Variants in ARID1A observed in about 807,000 individuals in gnomAD.
ARID1A encodes AT-rich interaction domain 1A.
Under a neutral mutation model 212.6 loss-of-function variants are expected in ARID1A, and 20 were observed. The ratio of observed to expected loss-of-function variants is 0.09; its 90% CI spans 0.07 to 0.14. ARID1A has a LOEUF of 0.14. Among genes scored for constraint, ARID1A ranks in the 10% least tolerant of loss-of-function variants. The pLI is 1.00. For synonymous variants in ARID1A, 1,376 were observed against 1,222.1 expected, an observed-to-expected ratio of 1.13 and a Z score of -2.63; for missense variants, 2,587 against 3,059.0, an observed-to-expected ratio of 0.85 and a Z score of 3.64.
chr1:26,770,767 A>AAAAT, intron 11 of ARID1A: 1 of 223,666 alleles, frequency 4.5e-6, no homozygotes, highest in East Asian at 1.2e-4. Flanking sequence ...TTCTGTCTCA[A>AAAAT]AAATAAATAA....
Position 26,779,330 on chromosome 1 carries a change from A to G in ARID1A, c.5432A>G (p.Lys1811Arg), listed in dbSNP as rs753590871. Reference protein sequence around the residue: ...SEEKLISKFDKLPVKIVQKND... With the variant: ...SEEKLISKFDRLPVKIVQKND... ...GAGAAGCTGATCAGTAAGTTTGACA[A>G]GCTTCCAGTAAAGATCGTACAGAAG... Residue 1811 changes from lysine (K) to arginine (R), a missense_variant, in exon 20 of 20, where the codon AAG becomes AGG. This residue lies in a region of ARID1A where 890 missense variants were observed against 1,098.2 expected (regional missense o/e 0.81). Coordinates refer to ENST00000324856, the MANE Select transcript of ARID1A (RefSeq NM_006015.6). 56 of 1,614,118 alleles carry G rather than the reference A, an allele frequency of 3.5e-5. No individual in the cohort carries two copies. The highest frequency in any genetic ancestry group is 4.5e-5 in the Non-Finnish European group (53 of 1,180,060).
chr1:26,751,088 C>T (rs1023366602), intron 4 of ARID1A, among the ~76,000 whole-genome samples: 2 of 151,834 alleles, frequency 1.3e-5, no homozygotes, highest in African/African-American at 4.8e-5. Context: ...AACCCCGTCT[C>T]TACTAAAAAT....
chr1:26,762,841 T>A, intron 7 of ARID1A, 132 bp from the exon 8 acceptor site: 1 of 940,210 alleles, frequency 1.1e-6, no homozygotes. Flanking sequence ...CTCATGGCGA[T>A]AAAGGCTACC....
At chr1:26,763,384 A>T (rs1279162793) in intron 8 of ARID1A, 99 bp downstream of exon 8, 2 of 1,347,042 alleles carry the variant, frequency 1.5e-6, no homozygotes, top group Non-Finnish European at 2.0e-6. Flanking sequence ...AGGGGGGGAA[A>T]ATGGGTGTGT....
At chr1:26,698,479 C>T (rs1366894521) in intron 1 of ARID1A, among the ~76,000 whole-genome samples, 3 of 152,198 alleles carry the variant, frequency 2.0e-5, no homozygotes, top group African/African-American at 7.2e-5. Context: ...AGTAGCAATA[C>T]TGTATCAGCA....
Position 26,731,580 on chromosome 1 carries a change from C to G in ARID1A, c.1779C>G (p.Ser593=), listed in dbSNP as rs1406595822. ...QSQQSQQTAY[S]QQRFPPPQEL... ...AGCAGTCCCAGCAAACTGCCTATTCCCAGCAGCGCTTCCCTCCACCGCAGG... is the reference window on the plus strand; with the variant it reads ...AGCAGTCCCAGCAAACTGCCTATTCGCAGCAGCGCTTCCCTCCACCGCAGG... Residue 593 remains serine (S), a synonymous_variant, in exon 3 of 20, where the codon TCC becomes TCG. Coordinates refer to ENST00000324856, the MANE Select transcript of ARID1A (RefSeq NM_006015.6). 5 of 1,613,842 alleles carry G rather than the reference C, an allele frequency of 3.1e-6. No homozygotes were observed. Among genetic ancestry groups the G allele is most frequent in the Non-Finnish European group, 4.2e-6 (5 of 1,179,866 alleles).
At chr1:26,770,348 C>T (rs1189037585) in intron 11 of ARID1A, 3 of 152,008 alleles carry the variant, frequency 2.0e-5, no homozygotes, top group African/African-American at 4.8e-5. Flanking sequence ...AGCCACCACC[C>T]CAAGAAAAAA....
chr1:26,712,308 A>G (rs2080462192), intron 1 of ARID1A, among the ~76,000 whole-genome samples: 1 of 151,464 alleles, frequency 6.6e-6, no homozygotes, highest in Admixed American at 6.6e-5. Flanking sequence ...TCTCTCCCTC[A>G]CCCCCTACTT....
At chr1:26,724,572 C>A (rs1376698892) in intron 1 of ARID1A, among the ~76,000 whole-genome samples, 1 of 152,144 alleles carries the variant, frequency 6.6e-6, no homozygotes, top group Non-Finnish European at 1.5e-5. Context: ...GGAGAATTTG[C>A]AGCTATTTTA....
intron 1 of ARID1A, among the ~76,000 whole-genome samples, chr1:26,726,237 A>C (rs1171371575): frequency 7.0e-6 from 1 of 143,304 alleles, no homozygotes; most frequent in African/African-American, 2.6e-5. Flanking sequence ...CAGTGGCTCG[A>C]TCTCGGCTCG....
At chr1:26,707,316 C>T (rs546117484) in intron 1 of ARID1A, among the ~76,000 whole-genome samples, 2 of 142,616 alleles carry the variant, frequency 1.4e-5, no homozygotes, top group Admixed American at 7.6e-5. Flanking sequence ...TCAAGTGATT[C>T]TCCTGCCACA....
chr1:26,769,892 T>C (rs543730270), intron 11 of ARID1A: 15 of 152,388 alleles, frequency 9.8e-5, no homozygotes, highest in Admixed American at 5.2e-4. Flanking sequence ...GAACTGTAGG[T>C]TGGCTGCTCG....
At chr1:26,701,690 A>G (rs989964521) in intron 1 of ARID1A, among the ~76,000 whole-genome samples, 1 of 152,174 alleles carries the variant, frequency 6.6e-6, no homozygotes, top group African/African-American at 2.4e-5. Flanking sequence ...AGCTTTCTGT[A>G]CATAAATCAG....
At chr1:26,726,242 G>A (rs1233870006) in intron 1 of ARID1A, among the ~76,000 whole-genome samples, 1 of 145,362 alleles carries the variant, frequency 6.9e-6, no homozygotes, top group Non-Finnish European at 1.5e-5. Flanking sequence ...GCTCGATCTC[G>A]GCTCGCTTCA....
Position 26,731,070 on chromosome 1 carries a change from C to T in ARID1A, c.1351-82C>T, listed in dbSNP as rs41303627. ...CATGCTTGCTTTCTATACTCATCAT[C>T]AGTGCATAGCTTCTCACAAAACACT... is the stretch of plus-strand genomic sequence containing the variant. On this transcript the variant is annotated intron_variant, in intron 2 of 19. Transcript: ENST00000324856. 2.0e-3 allele frequency: 2,739 copies of T among 1,383,862 alleles called. 6 individuals carry two copies. Among genetic ancestry groups the T allele is most frequent in the Middle Eastern group, 5.9e-3 (32 of 5,448 alleles). 85.7% of individuals were successfully genotyped at this position (1,383,862 alleles called of 1,614,324 possible).
In ARID1A at chr1:26,743,245, C is replaced by T. The variant is rs146342710; in HGVS notation, c.1920+10453C>T. Among the ~76,000 whole-genome samples, 17 of 152,244 alleles carry T rather than the reference C, an allele frequency of 1.1e-4. No individual in the cohort carries two copies. In the East Asian group the frequency reaches 3.3e-3, roughly 29 times the overall value. ...CTGGTCCTCTTGATTAGGATGTATA[C>T]CTGTTTCTCTCTCTTTCTGTCATGC... On this transcript the variant is annotated intron_variant, in intron 4 of 19. Coordinates refer to ENST00000324856, the MANE Select transcript of ARID1A (RefSeq NM_006015.6).
chr1:26,776,359 C>G (rs574089771), intron 19 of ARID1A, among the ~76,000 whole-genome samples: 1 of 151,618 alleles, frequency 6.6e-6, no homozygotes, highest in Non-Finnish European at 1.5e-5. Flanking sequence ...CTGCAACTTC[C>G]GCCTCCTGGG....
intron 3 of ARID1A, 115 bp downstream of exon 3, chr1:26,731,719 A>C (rs1244340078): frequency 7.0e-6 from 8 of 1,150,064 alleles, no homozygotes; most frequent in Admixed American, 2.3e-5. Flanking sequence ...TTAAAGACCA[A>C]TTAAACTCTG....
intron 19 of ARID1A, 173 bp from the exon 20 acceptor site, chr1:26,778,850 T>C (rs1301346710): frequency 2.1e-5 from 12 of 572,804 alleles, no homozygotes; most frequent in Non-Finnish European, 2.9e-5. Context: ...AACTTTGTGT[T>C]GGGCATAGAA....
Sources: allele counts gnomAD v4.1 joint callset (sites outside exome capture counted in the v4.1 genomes callset), GRCh38; gene constraint gnomAD v4.1.1; regional missense constraint gnomAD v4.1.1; transcripts MANE v1.5; gene names NCBI Gene and HGNC (gene_info 2026-07-23, HGNC 2026-07-21).